SH3GL1: variants seen among roughly 807,000 people sequenced by gnomAD.
SH3GL1 encodes the protein SH3 domain containing GRB2 like 1, endophilin A2.
Under a neutral mutation model 48.8 loss-of-function variants are expected in SH3GL1, and 21 were observed. That is an observed-to-expected ratio of 0.43 (90% CI 0.30 to 0.62). The LOEUF (loss-of-function observed/expected upper bound fraction) is 0.62, where lower values mean the gene tolerates loss of function less well. Ranked by LOEUF, SH3GL1 falls within the 20% of genes least tolerant of loss-of-function variation. The pLI, the probability that SH3GL1 is intolerant of heterozygous loss-of-function variation, is 0.11. For missense variants in SH3GL1, 454 were observed against 503.0 expected, an observed-to-expected ratio of 0.90 and a Z score of 0.93; for synonymous variants, 282 against 217.5, an observed-to-expected ratio of 1.30 and a Z score of -2.61.
chr19:4,379,281 C>G (rs1480855468), intron 1 of SH3GL1, among the ~76,000 whole-genome samples: 1 of 152,004 alleles, frequency 6.6e-6, no homozygotes, highest in Non-Finnish European at 1.5e-5. Context: ...TGGTGAAACC[C>G]CAGGCATGGT....
intron 2 of SH3GL1, 60 bp from the exon 3 acceptor site, chr19:4,366,633 C>A: frequency 6.8e-7 from 1 of 1,473,456 alleles, no homozygotes; most frequent in South Asian, 1.2e-5. Context: ...GCACACAAGA[C>A]CCCCGCTGCT....
intron 7 of SH3GL1, 131 bp from the exon 8 acceptor site, chr19:4,362,867 A>C (rs374766980): frequency 2.1e-6 from 3 of 1,437,242 alleles, no homozygotes; most frequent in Non-Finnish European, 2.9e-6. Context: ...GTTGTGACAC[A>C]TGGACCCTGG....
chr19:4,380,371 G>C (rs973456339), intron 1 of SH3GL1: 2 of 152,598 alleles, frequency 1.3e-5, no homozygotes, highest in Admixed American at 6.5e-5. Context: ...CCAGCGGGGA[G>C]GGGCCGCTTC....
intron 3 of SH3GL1, among the ~76,000 whole-genome samples, chr19:4,365,976 G>A (rs939156703): frequency 6.6e-6 from 1 of 152,158 alleles, no homozygotes; most frequent in East Asian, 1.9e-4. Context: ...CCCGGGGTGG[G>A]TGATGAGCTG....
intron 1 of SH3GL1, among the ~76,000 whole-genome samples, chr19:4,383,587 T>C (rs368498036): frequency 1.0e-3 from 153 of 152,254 alleles, no homozygotes; most frequent in African/African-American, 3.5e-3. Context: ...ACTGAACTCA[T>C]GGACACGGAG....
At chr19:4,392,522 A>T (rs1200065180) in intron 1 of SH3GL1, among the ~76,000 whole-genome samples, 1 of 25,194 alleles carries the variant, frequency 4.0e-5, no homozygotes, top group Non-Finnish European at 9.7e-5. Flanking sequence ...ACTCCGTCAC[A>T]CACACACACA....
intron 1 of SH3GL1, among the ~76,000 whole-genome samples, chr19:4,397,043 A>C (rs1973438381): frequency 6.6e-6 from 1 of 152,198 alleles, no homozygotes; most frequent in African/African-American, 2.4e-5. Flanking sequence ...GTAATGAGAG[A>C]TCCCGAGAGA....
intron 9 of SH3GL1, 82 bp downstream of exon 9, chr19:4,362,247 A>G: frequency 7.2e-7 from 1 of 1,389,114 alleles, no homozygotes; most frequent in Non-Finnish European, 1.0e-6. Context: ...AGATGGGCAG[A>G]GAACAGGGCG....
chr19:4,383,904 A>C (rs190388446), intron 1 of SH3GL1, among the ~76,000 whole-genome samples: 1 of 152,222 alleles, frequency 6.6e-6, no homozygotes, highest in Admixed American at 6.5e-5. Flanking sequence ...AGGAGAAGGC[A>C]GTGTGGCTTT....
intron 1 of SH3GL1, among the ~76,000 whole-genome samples, chr19:4,397,267 C>T (rs548102425): frequency 1.3e-5 from 2 of 152,282 alleles, no homozygotes; most frequent in South Asian, 2.1e-4. Context: ...ACGACAGCCC[C>T]GAGGGTGGGC....
Position 4,363,376 on chromosome 19 carries a change from T to G in SH3GL1, c.722A>C (p.Lys241Thr). 3 of 1,602,990 alleles carry G rather than the reference T, an allele frequency of 1.9e-6. No homozygotes were observed. The highest frequency in any genetic ancestry group is 1.7e-4 in the Middle Eastern group (1 of 5,954). The change falls in exon 7 of 10, where the codon AAG becomes ACG. Residue 241 changes from lysine (K) to threonine (T), a missense_variant. Lys to Thr is a moderately conservative substitution (Grantham distance 78). Transcript: ENST00000269886. ...QILDELAEKL[K>T]RRMREASSRP... ...ACCAAGGCCCTGGGCTCACCTGCGC[T>G]TGAGCTTCTCCGCCAGCTCGTCCAG...
intron 1 of SH3GL1, among the ~76,000 whole-genome samples, chr19:4,398,879 C>A (rs1421830771): frequency 6.6e-6 from 1 of 152,086 alleles, no homozygotes; most frequent in Non-Finnish European, 1.5e-5. Context: ...AAAACTAATC[C>A]CACTGGTGAG....
chr19:4,374,816 C>A (rs1972974160), intron 1 of SH3GL1, among the ~76,000 whole-genome samples: 1 of 152,228 alleles, frequency 6.6e-6, no homozygotes, highest in Non-Finnish European at 1.5e-5. Context: ...CCCTGCCTGG[C>A]CCAGCTCCAC....
rs985385916 is a variant in SH3GL1, at chr19:4,367,944, A to G, written c.46-950T>C. On this transcript the variant is annotated intron_variant, in intron 1 of 9. Coordinates refer to ENST00000269886, the MANE Select transcript of SH3GL1 (RefSeq NM_003025.4). The surrounding 1 kb of genome is among the most constrained non-coding windows in gnomAD (Gnocchi z 4.2). ...GCACACAGCGCTTCATGAAGAGCCG[A>G]GTGGCTGCCAGGCCCTGCCACAAAT... Among the ~76,000 whole-genome samples, 1 of 152,048 alleles carries G rather than the reference A, an allele frequency of 6.6e-6. No homozygotes were observed. The highest frequency in any genetic ancestry group is 2.4e-5 in the African/African-American group (1 of 41,390).
At chr19:4,364,866 T>TTTTG (rs1972729538) in intron 4 of SH3GL1, among the ~76,000 whole-genome samples, 2 of 97,168 alleles carry the variant, frequency 2.1e-5, no homozygotes, top group South Asian at 3.4e-4. Context: ...ACCCGGCTAA[T>TTTTG]TGTGTGTGTG....
intron 1 of SH3GL1, among the ~76,000 whole-genome samples, chr19:4,377,403 C>A (rs960834539): frequency 6.6e-6 from 1 of 152,252 alleles, no homozygotes; most frequent in African/African-American, 2.4e-5. Flanking sequence ...GTGCCTTCAC[C>A]TGTCTCCTCT....
In SH3GL1 at chr19:4,376,955, G is replaced by A. The variant is rs1465778590; in HGVS notation, c.46-9961C>T. On this transcript the variant is annotated intron_variant, in intron 1 of 9. Coordinates refer to ENST00000269886, the MANE Select transcript of SH3GL1 (RefSeq NM_003025.4). This position sits in a 1 kb window ranked among gnomAD's most constrained non-coding sequence, Gnocchi z 4.3. ...CCTTGACAGCAGCTAAGCTCCGGGGGCAGCAACTCCCCGCAGTGACCCGGA... is the reference window on the plus strand; with the variant it reads ...CCTTGACAGCAGCTAAGCTCCGGGGACAGCAACTCCCCGCAGTGACCCGGA... Among the ~76,000 whole-genome samples, 4 of 152,164 alleles carry A rather than the reference G, an allele frequency of 2.6e-5. No individual in the cohort carries two copies. The highest frequency in any genetic ancestry group is 7.2e-5 in the African/African-American group (3 of 41,448).
rs981323975 is a variant in SH3GL1, at chr19:4,376,694, C to A, written c.46-9700G>T. ...TGTTCCTTCTCCCTCACTGAGCCTC[C>A]CTGGATCTTCCCATGCTGGGTCTTA... On this transcript the variant is annotated intron_variant, in intron 1 of 9. Coordinates refer to ENST00000269886, the MANE Select transcript of SH3GL1 (RefSeq NM_003025.4). This position sits in a 1 kb window ranked among gnomAD's most constrained non-coding sequence, Gnocchi z 4.3. Among the ~76,000 whole-genome samples the A allele has an allele frequency of 2.0e-5, 3 of 152,128 alleles. No homozygotes were observed. The highest frequency in any genetic ancestry group is 7.2e-5 in the African/African-American group (3 of 41,418).
At chr19:4,372,346 C>T (rs866639312) in intron 1 of SH3GL1, among the ~76,000 whole-genome samples, 14 of 152,346 alleles carry the variant, frequency 9.2e-5, no homozygotes, top group Admixed American at 2.6e-4. Context: ...GTGGAGGAGG[C>T]GAGTGCTCAG....
Sources: gnomAD v4.1 joint callset for allele counts (sites outside exome capture counted in the v4.1 genomes callset) on GRCh38, gnomAD v4.1.1 for gene constraint, Gnocchi (gnomAD v3.1) non-coding constraint, MANE v1.5 for transcripts, NCBI Gene and HGNC (gene_info 2026-07-23, HGNC 2026-07-21) for gene names.